Variants in AGBL1 observed in about 807,000 individuals in gnomAD.
AGBL1 encodes the protein AGBL carboxypeptidase 1, also known as cytosolic carboxypeptidase 4.
A neutral mutation model predicts 118.9 loss-of-function variants in AGBL1; 130 were observed. That is an observed-to-expected ratio of 1.09 (90% CI 0.95 to 1.26). The LOEUF is 1.26. Among genes scored for constraint, AGBL1 ranks in the 50% most tolerant of loss-of-function variants. AGBL1 has a pLI of 0.00. For synonymous variants in AGBL1, 555 were observed against 478.9 expected, an observed-to-expected ratio of 1.16 and a Z score of -2.08; for missense variants, 1,584 against 1,298.1, an observed-to-expected ratio of 1.22 and a Z score of -3.38.
At chr15:86,129,855 G>C (rs1359963889) in intron 1 of AGBL1, among the ~76,000 whole-genome samples, 2 of 152,194 alleles carry the variant, frequency 1.3e-5, no homozygotes, top group African/African-American at 4.8e-5. Flanking sequence ...GGTTTTGAGA[G>C]AGAGCGTGTG....
chr15:86,501,756 A>G (rs1306277567), intron 18 of AGBL1, among the ~76,000 whole-genome samples: 1 of 151,580 alleles, frequency 6.6e-6, no homozygotes, highest in Non-Finnish European at 1.5e-5. Flanking sequence ...GATTTGATCA[A>G]TAATATATGG....
intron 22 of AGBL1, among the ~76,000 whole-genome samples, chr15:86,728,035 G>C (rs1349187867): frequency 6.6e-6 from 1 of 152,190 alleles, no homozygotes; most frequent in Non-Finnish European, 1.5e-5. Context: ...ACATTGTTTA[G>C]ACCTTACTTC....
chr15:86,703,020 A>G (rs373874176), intron 22 of AGBL1, among the ~76,000 whole-genome samples: 11 of 152,156 alleles, frequency 7.2e-5, no homozygotes. Context: ...CTGAGAATAC[A>G]TGGCCAGATA....
rs544539662 is a variant in AGBL1 at position 86,499,883 on chromosome 15, G to A, written c.2556-22927G>A. On this transcript the variant is annotated intron_variant, in intron 18 of 22. Transcript: ENST00000614907. Reference sequence around the variant, plus strand: ...TTGTTATATAAATGAAGGGAGCAGGGAATTGTTGTTCCTCCTTCTTCAGTG... The same window carrying A: ...TTGTTATATAAATGAAGGGAGCAGGAAATTGTTGTTCCTCCTTCTTCAGTG... 3.3e-5 allele frequency among the ~76,000 whole-genome samples: 5 copies of A among 151,954 alleles called. No individual in the cohort carries two copies. The East Asian group carries it at 9.7e-4, about 29-fold the overall frequency.
intron 23 of AGBL1, among the ~76,000 whole-genome samples, chr15:86,923,829 G>T (rs550547370): frequency 4.6e-5 from 7 of 152,178 alleles, no homozygotes; most frequent in African/African-American, 1.7e-4. Context: ...GATTAACAAA[G>T]TTTAAAAACC....
chr15:86,197,627 T>A (rs777760287), intron 5 of AGBL1, among the ~76,000 whole-genome samples: 21 of 152,170 alleles, frequency 1.4e-4, no homozygotes, highest in Non-Finnish European at 2.8e-4. Flanking sequence ...ACAAAGGAAT[T>A]GTTAAGCAAA....
At chr15:86,499,822 T>C (rs1225558404) in intron 18 of AGBL1, among the ~76,000 whole-genome samples, 1 of 151,892 alleles carries the variant, frequency 6.6e-6, no homozygotes, top group Non-Finnish European at 1.5e-5. Context: ...TAGCAGTCAG[T>C]AGACACAGTT....
intron 24 of AGBL1, among the ~76,000 whole-genome samples, chr15:87,020,782 AG>A (rs1479985243): frequency 6.6e-6 from 1 of 152,136 alleles, no homozygotes; most frequent in African/African-American, 2.4e-5. Context: ...TGAGGAATAC[AG>A]CTAACAAGGG....
chr15:86,889,908 C>A (rs188769174), intron 22 of AGBL1, among the ~76,000 whole-genome samples: 2 of 152,132 alleles, frequency 1.3e-5, no homozygotes, highest in African/African-American at 2.4e-5. Flanking sequence ...TGGGTATATA[C>A]CCTGTAATGG....
intron 23 of AGBL1, among the ~76,000 whole-genome samples, chr15:86,962,469 T>TTTTAC (rs1398448077): frequency 6.6e-6 from 1 of 152,088 alleles, no homozygotes; most frequent in African/African-American, 2.4e-5. Flanking sequence ...AAAAATCTCT[T>TTTTAC]TTTACTTTGT....
chr15:86,808,809 A>G (rs778974099), intron 22 of AGBL1, among the ~76,000 whole-genome samples: 84 of 150,486 alleles, frequency 5.6e-4, no homozygotes, highest in Non-Finnish European at 9.4e-4. Flanking sequence ...TGGTTTCTTT[A>G]ACTGCTTGCA....
At chr15:86,976,035 TTTAAAA>T (rs1393813867) in intron 23 of AGBL1, among the ~76,000 whole-genome samples, 2 of 152,122 alleles carry the variant, frequency 1.3e-5, no homozygotes, top group Non-Finnish European at 2.9e-5. Context: ...AATCATATAC[TTTAAAA>T]TTATTATGTT....
chr15:86,795,277 C>T (rs550887263), intron 22 of AGBL1, among the ~76,000 whole-genome samples: 3 of 152,074 alleles, frequency 2.0e-5, no homozygotes, highest in African/African-American at 4.8e-5. Flanking sequence ...ATTGCCTGGA[C>T]GGAGGCTGAT....
At chr15:86,862,377 T>A (rs1226725268) in intron 22 of AGBL1, among the ~76,000 whole-genome samples, 2 of 152,212 alleles carry the variant, frequency 1.3e-5, no homozygotes, top group Non-Finnish European at 2.9e-5. Flanking sequence ...GGTGCACACC[T>A]ATAAGATTGG....
At chr15:87,026,454 T>C (rs1433776684) in intron 24 of AGBL1, among the ~76,000 whole-genome samples, 1 of 151,954 alleles carries the variant, frequency 6.6e-6, no homozygotes, top group African/African-American at 2.4e-5. Context: ...ACTGCCACTT[T>C]ACTCCTGCAA....
chr15:86,426,848 C>A (rs1020633256), intron 18 of AGBL1, among the ~76,000 whole-genome samples: 2 of 152,166 alleles, frequency 1.3e-5, no homozygotes, highest in Non-Finnish European at 2.9e-5. Flanking sequence ...TTCACTGCAA[C>A]CTCCGCCTCC....
At chr15:86,743,914 A>T (rs1214094020) in intron 22 of AGBL1, among the ~76,000 whole-genome samples, 1 of 152,152 alleles carries the variant, frequency 6.6e-6, no homozygotes, top group Admixed American at 6.6e-5. Context: ...ATTTTTGACA[A>T]AAAGAAAAGA....
chr15:86,706,468 T>C (rs774711751), intron 22 of AGBL1, among the ~76,000 whole-genome samples: 1 of 152,138 alleles, frequency 6.6e-6, no homozygotes, highest in East Asian at 1.9e-4. Flanking sequence ...CACTTAATTA[T>C]GGTAATCACT....
chr15:86,477,134 G>C (rs1330073469), intron 18 of AGBL1, among the ~76,000 whole-genome samples: 1 of 152,114 alleles, frequency 6.6e-6, no homozygotes, highest in East Asian at 1.9e-4. Flanking sequence ...AAGCAGGAAA[G>C]ATCTAAAACT....
Sources: gnomAD v4.1 joint callset for allele counts (sites outside exome capture counted in the v4.1 genomes callset) on GRCh38, gnomAD v4.1.1 for gene constraint, MANE v1.5 for transcripts, NCBI Gene and HGNC (gene_info 2026-07-23, HGNC 2026-07-21) for gene names.